ISX: variants seen among roughly 807,000 people sequenced by gnomAD.
ISX encodes intestine-specific homeobox.
A neutral mutation model predicts 16.9 loss-of-function variants in ISX; 15 were observed. That is an observed-to-expected ratio of 0.89 (90% CI 0.59 to 1.36). The LOEUF is 1.36. Among genes scored for constraint, ISX ranks in the 40% most tolerant of loss-of-function variants. ISX has a pLI of 0.00. For missense variants in ISX, 316 were observed against 306.1 expected, an observed-to-expected ratio of 1.03 and a Z score of -0.24; for synonymous variants, 125 against 119.7, an observed-to-expected ratio of 1.04 and a Z score of -0.29.
chr22:35,087,215 G>T lies in ISX; in HGVS notation c.*1522G>T, dbSNP rs1929276506. 1 of 152,158 alleles carries T rather than the reference G, an allele frequency of 6.6e-6. No homozygotes were observed. The highest frequency in any genetic ancestry group is 2.4e-5 in the African/African-American group (1 of 41,426). The allele number at this position is 152,158 out of a possible 1,614,324, so 9.4% of individuals were successfully genotyped here. A position where few individuals can be genotyped will look rare whatever the true frequency, so the allele number is the denominator to read the frequency against. ...CAGATCACTCAGAGCCTATGAATGT[G>T]GATATCAACACCAGGTCTCTAGCAC... On this transcript the variant is annotated 3_prime_UTR_variant, in exon 5 of 5. Coordinates refer to ENST00000404699, the MANE Select transcript of ISX (RefSeq NM_001303508.2).
chr22:35,081,823 A>C (rs1252979826), intron 2 of ISX, among the ~76,000 whole-genome samples: 1 of 152,238 alleles, frequency 6.6e-6, no homozygotes, highest in African/African-American at 2.4e-5. Context: ...ATGACAATTT[A>C]AGAGACTATG....
chr22:35,068,357 A>G (rs1354725885), intron 2 of ISX, among the ~76,000 whole-genome samples: 1 of 152,102 alleles, frequency 6.6e-6, no homozygotes, highest in Non-Finnish European at 1.5e-5. Context: ...CCATGGAGGG[A>G]GCTGATGAGG....
Position 35,085,933 on chromosome 22 carries a change from G to A in ISX, c.*240G>A, listed in dbSNP as rs1286663330. 1 of 565,076 alleles carries A rather than the reference G, an allele frequency of 1.8e-6. No individual in the cohort carries two copies. Among genetic ancestry groups the A allele is most frequent in the Non-Finnish European group, 3.2e-6 (1 of 316,530 alleles). The allele number at this position is 565,076 out of a possible 1,614,324, so 35.0% of individuals were successfully genotyped here. ...CTCTCCTGGTTCAGAAGACAGGCTGGATGAGATCTCAGGCCGAGCTCTGAA... is the reference window on the plus strand; with the variant it reads ...CTCTCCTGGTTCAGAAGACAGGCTGAATGAGATCTCAGGCCGAGCTCTGAA... On this transcript the variant is annotated 3_prime_UTR_variant, in exon 5 of 5. Transcript: ENST00000404699.
intron 2 of ISX, among the ~76,000 whole-genome samples, chr22:35,077,609 ACAT>A (rs10579253): frequency 0.079 from 11,905 of 151,044 alleles, 505 homozygotes; most frequent in Middle Eastern, 0.15. Context: ...CACAAGCACA[ACAT>A]CATCATCATC....
At chr22:35,078,371 A>T (rs1225433800) in intron 2 of ISX, among the ~76,000 whole-genome samples, 1 of 152,202 alleles carries the variant, frequency 6.6e-6, no homozygotes, top group African/African-American at 2.4e-5. Context: ...GGAATGAATT[A>T]ACACCTGCCA....
At chr22:35,079,776 G>T (rs747415077) in intron 2 of ISX, among the ~76,000 whole-genome samples, 3 of 152,178 alleles carry the variant, frequency 2.0e-5, no homozygotes, top group African/African-American at 7.2e-5. Context: ...GAGAGGGTTT[G>T]TGCCTTTTCT....
chr22:35,076,599 C>T (rs942462154), intron 2 of ISX, among the ~76,000 whole-genome samples: 1 of 152,100 alleles, frequency 6.6e-6, no homozygotes, highest in African/African-American at 2.4e-5. Flanking sequence ...TTTCAGAAGA[C>T]GAGGATGAGG....
At chr22:35,075,168 T>C (rs901891085) in intron 2 of ISX, among the ~76,000 whole-genome samples, 1 of 152,152 alleles carries the variant, frequency 6.6e-6, no homozygotes, top group Non-Finnish European at 1.5e-5. Context: ...AAGTAGTGGC[T>C]TTTGAGATGG....
At chr22:35,085,309 A>G (rs1271787004) in intron 4 of ISX, 145 bp from the exon 5 acceptor site, 7 of 966,614 alleles carry the variant, frequency 7.2e-6, no homozygotes, top group East Asian at 4.8e-5. Context: ...GGACTTTCAG[A>G]GCTAAACCCA....
intron 2 of ISX, among the ~76,000 whole-genome samples, chr22:35,082,066 C>T (rs1418038797): frequency 6.6e-6 from 1 of 152,238 alleles, no homozygotes; most frequent in East Asian, 1.9e-4. Flanking sequence ...TTAGTCTTTG[C>T]AGGCCACACA....
intron 3 of ISX, among the ~76,000 whole-genome samples, chr22:35,083,506 C>T (rs1302195773): frequency 1.3e-5 from 2 of 152,224 alleles, no homozygotes; most frequent in African/African-American, 4.8e-5. Flanking sequence ...GTATTTCCTG[C>T]CCTCTTCACA....
rs1216083540 is a variant in ISX, at chr22:35,066,279, TA to T, written c.-517del. On this transcript the variant is annotated 5_prime_UTR_variant, in exon 1 of 5. Coordinates refer to ENST00000404699, the MANE Select transcript of ISX (RefSeq NM_001303508.2). ...GCTTGTGGAGAGAGGGCTTCGCATG[TA>T]AAGTGACGTCAGGGAAAATAGAACA... 2 of 152,324 alleles carry T rather than the reference TA, an allele frequency of 1.3e-5. No individual in the cohort carries two copies. Among genetic ancestry groups the T allele is most frequent in the Admixed American group, 6.5e-5 (1 of 15,268 alleles). 9.4% of individuals were successfully genotyped at this position (152,324 alleles called of 1,614,324 possible).
At chr22:35,085,355 C>G (rs1339820780) in intron 4 of ISX, 99 bp from the exon 5 acceptor site, 9 of 1,413,556 alleles carry the variant, frequency 6.4e-6, no homozygotes, top group Non-Finnish European at 6.9e-6. Flanking sequence ...GTGGATCACA[C>G]TACCCACTCT....
chr22:35,067,856 C>T (rs1291838640), intron 2 of ISX, among the ~76,000 whole-genome samples: 8 of 152,282 alleles, frequency 5.3e-5, no homozygotes, highest in East Asian at 1.9e-4. Flanking sequence ...GCCCAGGGGC[C>T]GAAGCTTTGG....
Position 35,084,186 on chromosome 22 carries a change from T to C in ISX, c.382-197T>C, listed in dbSNP as rs1404557009. Among the ~76,000 whole-genome samples the C allele has an allele frequency of 2.6e-5, 4 of 152,264 alleles. No individual in the cohort carries two copies. In the South Asian group the frequency reaches 8.3e-4, roughly 31 times the overall value. On this transcript the variant is annotated intron_variant, in intron 3 of 4. Transcript: ENST00000404699. ...TCACTCATGCATGGCCCCCTGGCCC[T>C]GTAGGCATTGAAGGTGGAAACCCCG...
At chr22:35,080,063 G>T (rs560119846) in intron 2 of ISX, among the ~76,000 whole-genome samples, 2 of 152,286 alleles carry the variant, frequency 1.3e-5, no homozygotes, top group Non-Finnish European at 2.9e-5. Flanking sequence ...TCTCTCTGCA[G>T]CATGGACCCA....
chr22:35,068,849 C>G (rs1406333721), intron 2 of ISX, among the ~76,000 whole-genome samples: 3 of 152,210 alleles, frequency 2.0e-5, no homozygotes, highest in Non-Finnish European at 4.4e-5. Flanking sequence ...CACTGTCACA[C>G]TTGGGAGCCC....
chr22:35,067,099 G>T lies in ISX; in HGVS notation c.12G>T (p.Glu4Asp). 1.2e-6 allele frequency: 2 copies of T among 1,613,584 alleles called. No homozygotes were observed. Among genetic ancestry groups the T allele is most frequent in the African/African-American group, 2.7e-5 (2 of 75,022 alleles). MCA[E>D]VGPALCRGME... ...CCCTGAGCCCCTCAATGTGTGCTGA[G>T]GTGGGCCCTGCTCTCTGCAGGGGTA... The change falls in exon 2 of 5, where the codon GAG (glutamate) becomes GAT (aspartate). Residue 4 changes from glutamate to aspartate, a missense_variant. Physicochemically the swap from Glu to Asp is conservative, Grantham distance 45. Transcript: ENST00000404699.
At chr22:35,079,581 C>G (rs1382652354) in intron 2 of ISX, among the ~76,000 whole-genome samples, 1 of 152,124 alleles carries the variant, frequency 6.6e-6, no homozygotes, top group Non-Finnish European at 1.5e-5. Context: ...AGGCTCCCTT[C>G]CCTGGGAGGC....
Sources: gnomAD v4.1 joint callset for allele counts (sites outside exome capture counted in the v4.1 genomes callset) on GRCh38, gnomAD v4.1.1 for gene constraint, MANE v1.5 for transcripts, NCBI Gene and HGNC (gene_info 2026-07-23, HGNC 2026-07-21) for gene names.